DNM1L: variants seen among roughly 807,000 people sequenced by gnomAD.
The protein encoded by DNM1L is dynamin-1-like protein.
Under a neutral mutation model 92.8 loss-of-function variants are expected in DNM1L, and 33 were observed. The ratio of observed to expected loss-of-function variants is 0.36; its 90% CI spans 0.27 to 0.48. DNM1L has a LOEUF of 0.48. DNM1L is among the 20% of genes least tolerant of loss of function. DNM1L has a pLI of 0.99. For missense variants in DNM1L, 485 were observed against 888.8 expected, an observed-to-expected ratio of 0.55 and a Z score of 5.78; for synonymous variants, 284 against 305.0, an observed-to-expected ratio of 0.93 and a Z score of 0.72.
chr12:32,703,618 A>T (rs1356875082), intron 2 of DNM1L, among the ~76,000 whole-genome samples: 1 of 151,466 alleles, frequency 6.6e-6, no homozygotes, highest in African/African-American at 2.4e-5. Context: ...AACTTTCAAA[A>T]AAAAAAAAAA....
At chr12:32,734,107 A>G (rs1296405614) in intron 13 of DNM1L, among the ~76,000 whole-genome samples, 1 of 152,240 alleles carries the variant, frequency 6.6e-6, no homozygotes, top group Non-Finnish European at 1.5e-5. Context: ...TGTGTACAAC[A>G]AAGTATTTAA....
chr12:32,708,147 T>G lies in DNM1L; in HGVS notation c.298-6T>G, dbSNP rs141059290. The G allele has an allele frequency of 1.9e-6, 3 of 1,578,182 alleles. No individual in the cohort carries two copies. Among genetic ancestry groups the G allele is most frequent in the East Asian group, 4.5e-5 (2 of 44,578 alleles). ...TATTATGCTTTTTTATTTCAAAAATTTTTAGCTTTACACGGATTTTGATGA... is the reference window on the plus strand; with the variant it reads ...TATTATGCTTTTTTATTTCAAAAATGTTTAGCTTTACACGGATTTTGATGA... On this transcript the variant is annotated splice_region_variant and splice_polypyrimidine_tract_variant and intron_variant, in intron 3 of 19. Transcript: ENST00000549701.
At chr12:32,722,305 CA>C (rs1488962639) in intron 8 of DNM1L, 121 bp from the exon 9 acceptor site, 1 of 796,132 alleles carries the variant, frequency 1.3e-6, no homozygotes, top group African/African-American at 1.7e-5. Flanking sequence ...ATATATTTCA[CA>C]GTATCACATT....
At chr12:32,722,116 CCT>C (rs1953838330) in intron 8 of DNM1L, among the ~76,000 whole-genome samples, 1 of 152,066 alleles carries the variant, frequency 6.6e-6, no homozygotes, top group African/African-American at 2.4e-5. Flanking sequence ...CAATGTTTGG[CCT>C]CTCTCCTCTC....
At chr12:32,717,219 A>G (rs1216575629) in intron 6 of DNM1L, among the ~76,000 whole-genome samples, 3 of 113,430 alleles carry the variant, frequency 2.6e-5, no homozygotes, top group African/African-American at 1.0e-4. Flanking sequence ...TATAAAATAT[A>G]TAGTATATAT....
intron 2 of DNM1L, chr12:32,707,122 G>A: frequency 2.4e-6 from 1 of 409,624 alleles, no homozygotes; most frequent in Non-Finnish European, 4.3e-6. Flanking sequence ...GAAGACCTGT[G>A]AGCAGCTCTG....
Position 32,699,803 on chromosome 12 carries a change from A to G in DNM1L, c.103-1612A>G, listed in dbSNP as rs917613543. On this transcript the variant is annotated intron_variant, in intron 1 of 19. Coordinates refer to ENST00000549701, the MANE Select transcript of DNM1L (RefSeq NM_012062.5). ...CAGAGCAAGACTCCATCTCAAAAAA[A>G]AAAAAAAAAAAAAAAAGCAATGATG... 3.2e-3 allele frequency among the ~76,000 whole-genome samples: 347 copies of G among 109,168 alleles called. 2 individuals carry two copies. Among genetic ancestry groups the G allele is most frequent in the Middle Eastern group, 0.027 (5 of 186 alleles). The allele number at this position is 109,168 out of a possible 152,430, so 71.6% of individuals were successfully genotyped here.
intron 1 of DNM1L, among the ~76,000 whole-genome samples, chr12:32,695,798 A>G: frequency 6.6e-6 from 1 of 151,998 alleles, no homozygotes; most frequent in East Asian, 1.9e-4. Flanking sequence ...TGAATGAATG[A>G]AATGAAACAA....
chr12:32,715,372 G>A lies in DNM1L; in HGVS notation c.619+2001G>A, dbSNP rs116494667. Among the ~76,000 whole-genome samples, 514 of 152,150 alleles carry A rather than the reference G, an allele frequency of 3.4e-3. 2 individuals carry two copies. Among genetic ancestry groups the A allele is most frequent in the African/African-American group, 0.012 (493 of 41,532 alleles). ...TATGGCCAGCAGTTGGAAAGATTAA[G>A]TAAATTATAATAATAAAATATGAAA... On this transcript the variant is annotated intron_variant, in intron 6 of 19. Transcript: ENST00000549701.
At chr12:32,743,300 A>T in intron 19 of DNM1L, 54 bp from the exon 20 acceptor site, 1 of 1,516,510 alleles carries the variant, frequency 6.6e-7, no homozygotes. Flanking sequence ...CGTAATTCAG[A>T]TTAATTTCAT....
intron 9 of DNM1L, chr12:32,726,641 A>G: frequency 1.2e-6 from 1 of 801,600 alleles, no homozygotes; most frequent in Admixed American, 2.3e-5. Flanking sequence ...CAGGAACTTC[A>G]GGAGGGGCAA....
chr12:32,723,715 CAG>C (rs1953922804), intron 9 of DNM1L, among the ~76,000 whole-genome samples: 1 of 131,458 alleles, frequency 7.6e-6, no homozygotes, highest in Non-Finnish European at 1.6e-5. Flanking sequence ...AAAAAAAAAA[CAG>C]GGATTCTATC....
chr12:32,738,608 A>G (rs1353706821), intron 16 of DNM1L, among the ~76,000 whole-genome samples: 1 of 152,150 alleles, frequency 6.6e-6, no homozygotes, highest in East Asian at 1.9e-4. Flanking sequence ...TTCCTCTTTA[A>G]AGATCTTGAG....
chr12:32,728,796 A>G (rs560244408), intron 9 of DNM1L: 2 of 152,108 alleles, frequency 1.3e-5, no homozygotes, highest in Non-Finnish European at 2.9e-5. Context: ...GACTGTAGAT[A>G]CGAAGTTTTT....
intron 1 of DNM1L, among the ~76,000 whole-genome samples, chr12:32,689,953 A>G (rs1226608136): frequency 6.6e-6 from 1 of 152,254 alleles, no homozygotes; most frequent in Non-Finnish European, 1.5e-5. Flanking sequence ...TAAATATAAT[A>G]CAGGTTATTG....
At chr12:32,690,444 T>G (rs916044433) in intron 1 of DNM1L, among the ~76,000 whole-genome samples, 1 of 152,214 alleles carries the variant, frequency 6.6e-6, no homozygotes, top group Non-Finnish European at 1.5e-5. Context: ...CCACAGCTCC[T>G]ATTGCTCCCA....
chr12:32,709,221 G>T (rs1215461990), intron 4 of DNM1L, among the ~76,000 whole-genome samples: 1 of 152,128 alleles, frequency 6.6e-6, no homozygotes, highest in Non-Finnish European at 1.5e-5. Flanking sequence ...TAACCATGTT[G>T]TATAGAACGG....
intron 5 of DNM1L, 60 bp downstream of exon 5, chr12:32,711,075 T>G: frequency 7.2e-7 from 1 of 1,396,562 alleles, no homozygotes; most frequent in Non-Finnish European, 1.0e-6. Flanking sequence ...ACATCCCATA[T>G]GAGAATAATC....
intron 1 of DNM1L, among the ~76,000 whole-genome samples, chr12:32,690,087 T>C (rs11837120): frequency 0.19 from 28,317 of 152,162 alleles, 3,126 homozygotes; most frequent in African/African-American, 0.32. Flanking sequence ...TACTCGACTT[T>C]CTGGGAAGAA....
Sources: allele counts gnomAD v4.1 joint callset (sites outside exome capture counted in the v4.1 genomes callset), GRCh38; gene constraint gnomAD v4.1.1; transcripts MANE v1.5; gene names NCBI Gene and HGNC (gene_info 2026-07-23, HGNC 2026-07-21).